Variants in ARHGEF9 observed in about 807,000 individuals in gnomAD.
ARHGEF9 encodes Cdc42 guanine nucleotide exchange factor 9.
ARHGEF9 carries 2 observed loss-of-function variants against 41.3 expected under a neutral mutation model. The ratio of observed to expected loss-of-function variants is 0.05; its 90% CI spans 0.02 to 0.15. ARHGEF9 has a LOEUF of 0.15. Ranked by LOEUF, ARHGEF9 falls within the 10% of genes least tolerant of loss-of-function variation. The probability of loss-of-function intolerance (pLI) is 1.00; values close to 1 mark genes in which losing one functional copy is unlikely to be tolerated. For synonymous variants in ARHGEF9, 160 were observed against 154.4 expected (o/e 1.04, Z -0.27); for missense variants, 225 against 424.7 (o/e 0.53, Z 4.13).
At chrX:63,764,125 A>T (rs1379636745) in intron 1 of ARHGEF9, among the ~76,000 whole-genome samples, 2 of 112,559 alleles carry the variant, frequency 1.8e-5, no homozygotes, top group Non-Finnish European at 3.7e-5. Flanking sequence ...TTTACAAGGA[A>T]AAAACTAACA....
In ARHGEF9 at chrX:63,718,456, T is replaced by G. The variant is rs1289454138; in HGVS notation, c.210+6076A>C. Among the ~76,000 whole-genome samples, 4 of 111,017 alleles carry G rather than the reference T, an allele frequency of 3.6e-5. No homozygotes were observed. In the Admixed American group the frequency reaches 3.8e-4, roughly 11 times the overall value. ...GTCATCACACCACCAAGGCAGTATA[T>G]ACACGATGCTAGGAAGGTCTAAGCT... On this transcript the variant is annotated intron_variant, in intron 2 of 9. Transcript: ENST00000671741.
chrX:63,707,334 C>T (rs1227604320), intron 2 of ARHGEF9: 1 of 101,636 alleles, frequency 9.8e-6, no homozygotes, highest in African/African-American at 3.7e-5. Flanking sequence ...GACTGTCCAT[C>T]CTAAATCATG....
chrX:63,670,198 C>T (rs1198144556), intron 6 of ARHGEF9: 1 of 111,697 alleles, frequency 9.0e-6, no homozygotes, highest in African/African-American at 3.3e-5. Context: ...GAATGCCATA[C>T]TTTTTAACTA....
chrX:63,765,410 C>T (rs1272279467), intron 1 of ARHGEF9, among the ~76,000 whole-genome samples: 10 of 110,898 alleles, frequency 9.0e-5, no homozygotes, highest in African/African-American at 3.3e-4. Context: ...AAAAAAAAAC[C>T]CTCGCTTAAG....
chrX:63,720,707 G>A (rs1293424969), intron 2 of ARHGEF9, among the ~76,000 whole-genome samples: 1 of 112,143 alleles, frequency 8.9e-6, no homozygotes, highest in Non-Finnish European at 1.9e-5. Flanking sequence ...TGTTGCCTCA[G>A]TATTTATACA....
chrX:63,667,114 C>T (rs1293311747), intron 6 of ARHGEF9, among the ~76,000 whole-genome samples: 1 of 111,890 alleles, frequency 8.9e-6, no homozygotes, highest in African/African-American at 3.3e-5. Context: ...AGTAGTGTCC[C>T]AAGACACAGA....
At chrX:63,651,684 G>A (rs1486678259) in intron 8 of ARHGEF9, among the ~76,000 whole-genome samples, 14 of 110,422 alleles carry the variant, frequency 1.3e-4, no homozygotes, top group Non-Finnish European at 2.3e-4. Flanking sequence ...GGCCAAAAAA[G>A]GAATAATAGA....
At chrX:63,777,797 G>A (rs1325153435) in intron 1 of ARHGEF9, among the ~76,000 whole-genome samples, 2 of 112,378 alleles carry the variant, frequency 1.8e-5, no homozygotes, top group African/African-American at 3.2e-5. Flanking sequence ...CTTCTTTGAC[G>A]CCATGTCTCA....
intron 3 of ARHGEF9, among the ~76,000 whole-genome samples, chrX:63,699,433 C>T (rs2052001984): frequency 9.0e-6 from 1 of 111,569 alleles, no homozygotes; most frequent in African/African-American, 3.3e-5. Context: ...AGGGAAGAAA[C>T]AAAACACCAT....
chrX:63,748,775 T>G (rs1332052032), intron 1 of ARHGEF9, among the ~76,000 whole-genome samples: 11 of 112,229 alleles, frequency 9.8e-5, no homozygotes, highest in Non-Finnish European at 2.1e-4. Context: ...GCTTCCCAAG[T>G]GATCTGAATG....
chrX:63,719,725 G>A (rs1214007363), intron 2 of ARHGEF9: 2 of 295,779 alleles, frequency 6.8e-6, no homozygotes, highest in Admixed American at 6.2e-5. Context: ...TTCCTGGTGT[G>A]GCTTGCTGGT....
At chrX:63,762,944 C>A (rs1556450243) in intron 1 of ARHGEF9, among the ~76,000 whole-genome samples, 1 of 111,926 alleles carries the variant, frequency 8.9e-6, no homozygotes, top group Non-Finnish European at 1.9e-5. Context: ...TATATTTTCA[C>A]TTTCTTAGGA....
intron 8 of ARHGEF9, among the ~76,000 whole-genome samples, chrX:63,646,880 C>T (rs1389573153): frequency 2.7e-5 from 3 of 111,085 alleles, no homozygotes; most frequent in African/African-American, 6.5e-5. Flanking sequence ...TGTTCTTCCA[C>T]TTGTTTGTAT....
At chrX:63,694,714 C>T (rs1400364455) in intron 4 of ARHGEF9, among the ~76,000 whole-genome samples, 1 of 111,976 alleles carries the variant, frequency 8.9e-6, no homozygotes, top group African/African-American at 3.2e-5. Context: ...AGATTGTTTG[C>T]AATGTCTAGA....
chrX:63,771,721 C>T (rs1556455007), intron 1 of ARHGEF9, among the ~76,000 whole-genome samples: 3 of 110,674 alleles, frequency 2.7e-5, no homozygotes, highest in African/African-American at 9.9e-5. Context: ...CATGAGCCAC[C>T]GCGACTGGCT....
intron 6 of ARHGEF9, among the ~76,000 whole-genome samples, chrX:63,671,703 G>A (rs2049968015): frequency 8.9e-6 from 1 of 112,407 alleles, no homozygotes; most frequent in Non-Finnish European, 1.9e-5. Context: ...AAGTGTGTGA[G>A]AGTATGTGTA....
intron 1 of ARHGEF9, among the ~76,000 whole-genome samples, chrX:63,740,960 G>A (rs1310468362): frequency 8.9e-6 from 1 of 112,369 alleles, no homozygotes; most frequent in Non-Finnish European, 1.9e-5. Context: ...ACTAACCCAG[G>A]AGAGGATGGG....
At chrX:63,755,401 G>A (rs1208054275) in intron 1 of ARHGEF9, 4 of 320,727 alleles carry the variant, frequency 1.2e-5, no homozygotes, top group Non-Finnish European at 1.5e-5. Context: ...GATAGAGGGG[G>A]TATATAAGGA....
chrX:63,705,707 G>A (rs782358514), intron 3 of ARHGEF9, among the ~76,000 whole-genome samples: 2 of 111,490 alleles, frequency 1.8e-5, no homozygotes, highest in Admixed American at 9.5e-5. Context: ...CTCCAAGTGA[G>A]AGAGTAGGAC....
Sources: allele counts gnomAD v4.1 joint callset (sites outside exome capture counted in the v4.1 genomes callset), GRCh38; gene constraint gnomAD v4.1.1; transcripts MANE v1.5; gene names NCBI Gene and HGNC (gene_info 2026-07-23, HGNC 2026-07-21).